HAVCR1: variants seen among roughly 807,000 people sequenced by gnomAD.
HAVCR1 encodes T cell immunoglobin domain and mucin domain protein 1.
HAVCR1 carries 34 observed loss-of-function variants against 32.0 expected under a neutral mutation model. The observed-to-expected ratio is 1.06, with a 90% CI of 0.81 to 1.42. The LOEUF is 1.42. HAVCR1 is among the 40% of genes most tolerant of loss of function. HAVCR1 has a pLI of 0.00. For missense variants in HAVCR1, 420 were observed against 442.3 expected (o/e 0.95, Z 0.45); for synonymous variants, 178 against 170.3 (o/e 1.05, Z -0.35).
upstream of HAVCR1, among the ~76,000 whole-genome samples, chr5:157,063,768 A>G (rs1271018121): frequency 2.0e-5 from 3 of 152,224 alleles, no homozygotes; most frequent in Non-Finnish European, 2.9e-5. Flanking sequence ...AATTTTAAAC[A>G]AGGTGGTCAG....
rs1561591394 is a variant in HAVCR1, at chr5:157,044,639, A to AAGAAAGAAAG, written c.782-1967_782-1958dup. On this transcript the variant is annotated intron_variant, in intron 5 of 8. Coordinates refer to ENST00000523175, the MANE Select transcript of HAVCR1 (RefSeq NM_001173393.3). Reference sequence around the variant, plus strand: ...AGAGAAAGAAAGAAAGAAAGAAAGAAAGAAAGAAAGAAAGAAAGAAAGAAA... The same window carrying AAGAAAGAAAG: ...AGAGAAAGAAAGAAAGAAAGAAAGAAAGAAAGAAAGAGAAAGAAAGAAAGAAAGAAAGAAA... 9.7e-4 allele frequency among the ~76,000 whole-genome samples: 109 copies of AAGAAAGAAAG among 112,656 alleles called. 2 individuals carry two copies. The highest frequency in any genetic ancestry group is 3.4e-3 in the Admixed American group (39 of 11,374). 73.9% of individuals were successfully genotyped at this position (112,656 alleles called of 152,430 possible).
At chr5:157,038,753 G>T (rs578159843) in intron 6 of HAVCR1, among the ~76,000 whole-genome samples, 1 of 152,236 alleles carries the variant, frequency 6.6e-6, no homozygotes, top group Non-Finnish European at 1.5e-5. Flanking sequence ...GGCAGGCTTT[G>T]CTTTCATTTT....
intron 8 of HAVCR1, among the ~76,000 whole-genome samples, chr5:157,030,094 T>C (rs1458668580): frequency 6.6e-6 from 1 of 152,076 alleles, no homozygotes; most frequent in East Asian, 1.9e-4. Flanking sequence ...CTCAGACTGG[T>C]CTCTTTGAAA....
chr5:157,041,100 A>G (rs1422480701), intron 6 of HAVCR1, among the ~76,000 whole-genome samples: 1 of 152,232 alleles, frequency 6.6e-6, no homozygotes, highest in Non-Finnish European at 1.5e-5. Flanking sequence ...TTTGATGAGC[A>G]TCATAAGACT....
Position 157,036,897 on chromosome 5 carries a change from TG to T in HAVCR1, c.952+349del, listed in dbSNP as rs201706892. ...TTGTTTTGCTTTTTTGTTTTGTTTT[TG>T]TTTTTTTTTAAGAAATGGGGTCCCA... On this transcript the variant is annotated intron_variant, in intron 7 of 8. Coordinates refer to ENST00000523175, the MANE Select transcript of HAVCR1 (RefSeq NM_001173393.3). Among the ~76,000 whole-genome samples, 57 of 150,480 alleles carry T rather than the reference TG, an allele frequency of 3.8e-4. No individual in the cohort carries two copies. In the East Asian group the frequency reaches 7.5e-3, roughly 20 times the overall value.
chr5:157,036,641 G>C (rs921769679), intron 7 of HAVCR1, among the ~76,000 whole-genome samples: 1 of 152,164 alleles, frequency 6.6e-6, no homozygotes. Flanking sequence ...TACAATTACA[G>C]TTTAAGATTG....
intron 7 of HAVCR1, among the ~76,000 whole-genome samples, chr5:157,035,283 C>A (rs1754460819): frequency 6.6e-6 from 1 of 152,110 alleles, no homozygotes; most frequent in African/African-American, 2.4e-5. Flanking sequence ...AAGCAAGCTC[C>A]AAAATAATTA....
intron 7 of HAVCR1, 68 bp from the exon 8 acceptor site, chr5:157,032,955 T>C: frequency 1.0e-6 from 1 of 955,228 alleles, no homozygotes; most frequent in East Asian, 2.5e-5. Context: ...AGTTTTAATC[T>C]TTTTTTCAAT....
chr5:157,054,287 G>A (rs1179578010), intron 3 of HAVCR1, among the ~76,000 whole-genome samples: 1 of 151,660 alleles, frequency 6.6e-6, no homozygotes, highest in East Asian at 1.9e-4. Flanking sequence ...AACATCTGAG[G>A]TCAGGAGTTC....
At chr5:157,032,642 G>A (rs1754245975) in intron 8 of HAVCR1, among the ~76,000 whole-genome samples, 1 of 152,200 alleles carries the variant, frequency 6.6e-6, no homozygotes. Flanking sequence ...TAGGATTGAG[G>A]TGCTCCCTCT....
chr5:157,056,567 A>T (rs1018151719), intron 2 of HAVCR1, among the ~76,000 whole-genome samples: 4 of 151,294 alleles, frequency 2.6e-5, no homozygotes, highest in Non-Finnish European at 5.9e-5. Context: ...TTTTTAGTAG[A>T]GACGGGGTTT....
Position 157,055,205 on chromosome 5 carries a change from C to A in HAVCR1, c.375G>T (p.Val125=). Residue 125 remains valine (V), a synonymous_variant, in exon 3 of 9, where the codon GTG becomes GTT. Transcript: ENST00000523175. ...AAATATCAAAGAAAAACTTACGTGG[C>A]ACAATCTCCAATGATACGGTGATTT... is the stretch of plus-strand genomic sequence containing the variant. ...DMKITVSLEI[V]PPKVTTTPIV... 1.3e-6 allele frequency: 2 copies of A among 1,482,242 alleles called. No homozygotes were observed. The highest frequency in any genetic ancestry group is 1.8e-6 in the Non-Finnish European group (2 of 1,089,802). 91.8% of individuals were successfully genotyped at this position (1,482,242 alleles called of 1,614,324 possible).
chr5:157,059,383 A>C (rs1173209873), upstream of HAVCR1, among the ~76,000 whole-genome samples: 1 of 152,208 alleles, frequency 6.6e-6, no homozygotes, highest in Non-Finnish European at 1.5e-5. Flanking sequence ...GCGTTTAAAA[A>C]TTCATTTCTT....
chr5:157,049,373 AT>A (rs893136977), intron 4 of HAVCR1, among the ~76,000 whole-genome samples: 1 of 152,230 alleles, frequency 6.6e-6, no homozygotes, highest in African/African-American at 2.4e-5. Flanking sequence ...CTGCTATCTA[AT>A]TATCTCATTA....
At chr5:157,057,382 GAGAGGAAA>G (rs1436718592) in intron 2 of HAVCR1, among the ~76,000 whole-genome samples, 246 of 133,756 alleles carry the variant, frequency 1.8e-3, no homozygotes, top group Non-Finnish European at 2.5e-3. Context: ...GAGAGAGAGA[GAGAGGAAA>G]GAAAGAAAGA....
At chr5:157,029,952 C>G in intron 8 of HAVCR1, 111 bp from the exon 9 acceptor site, 1 of 747,374 alleles carries the variant, frequency 1.3e-6, no homozygotes, top group Non-Finnish European at 2.2e-6. Flanking sequence ...ATTCGAGACT[C>G]CAGGAGCCCC....
intron 8 of HAVCR1, 128 bp from the exon 9 acceptor site, chr5:157,029,969 A>G (rs1754076356): frequency 4.5e-6 from 3 of 665,836 alleles, no homozygotes; most frequent in Non-Finnish European, 7.6e-6. Context: ...CCCCGTTCAC[A>G]CAAAGTATAA....
At chr5:157,030,137 A>G (rs937142424) in intron 8 of HAVCR1, among the ~76,000 whole-genome samples, 2 of 152,166 alleles carry the variant, frequency 1.3e-5, no homozygotes, top group African/African-American at 4.8e-5. Context: ...TGGAAAATCT[A>G]AAAATACAGA....
intron 2 of HAVCR1, among the ~76,000 whole-genome samples, chr5:157,057,404 AAAGAAAGAAAGAAAG>A (rs1472801960): frequency 2.0e-5 from 2 of 101,106 alleles, no homozygotes; most frequent in Non-Finnish European, 4.7e-5. Flanking sequence ...AGAAAGAAAG[AAAGAAAGAAAGAAAG>A]AAAGAAAGAA....
Sources: gnomAD v4.1 joint callset for allele counts (sites outside exome capture counted in the v4.1 genomes callset) on GRCh38, gnomAD v4.1.1 for gene constraint, MANE v1.5 for transcripts, NCBI Gene and HGNC (gene_info 2026-07-23, HGNC 2026-07-21) for gene names.